The following CYP2C19 variants were observed in gnomAD, a reference collection of about 807,000 sequenced individuals.
CYP2C19 encodes cytochrome P450 2C19.
In CYP2C19, 59 loss-of-function variants were observed where a neutral mutation model predicts 40.9. That is an observed-to-expected ratio of 1.44 (90% CI 1.17 to 1.79). The LOEUF (loss-of-function observed/expected upper bound fraction) is 1.79, where lower values mean the gene tolerates loss of function less well. Among genes scored for constraint, CYP2C19 ranks in the 40% most tolerant of loss-of-function variants. The probability of loss-of-function intolerance (pLI) is 0.00; values close to 1 mark genes in which losing one functional copy is unlikely to be tolerated. For synonymous variants in CYP2C19, 253 were observed against 208.7 expected (o/e 1.21, Z -1.83); for missense variants, 754 against 596.9 (o/e 1.26, Z -2.74).
At position 94,852,755 on chromosome 10, in the gene CYP2C19, G is replaced by C; in HGVS notation, c.1314G>C (p.Glu438Asp). 1 of 1,613,968 alleles carries C rather than the reference G, an allele frequency of 6.2e-7. No homozygotes were observed. Among genetic ancestry groups the C allele is most frequent in the South Asian group, 1.1e-5 (1 of 91,080 alleles). Residue 438 changes from glutamate to aspartate, a missense_variant, in exon 9 of 9, where the codon GAG (glutamate) becomes GAC (aspartate). Transcript: ENST00000371321. ...CAGGAAAACGGATTTGTGTGGGAGA[G>C]GGCCTGGCCCGCATGGAGCTGTTTT... The part of the protein sequence containing the change: ...FSAGKRICVG[E>D]GLARMELFLF...
At chr10:94,805,886 T>C (rs952736059) in intron 5 of CYP2C19, among the ~76,000 whole-genome samples, 14 of 152,350 alleles carry the variant, frequency 9.2e-5, no homozygotes, top group African/African-American at 2.9e-4. Flanking sequence ...ATGTGCCAGA[T>C]ACTGTGCGGA....
intron 8 of CYP2C19, 105 bp from the exon 9 acceptor site, chr10:94,852,628 C>T (rs555713798): frequency 6.6e-5 from 82 of 1,249,436 alleles, no homozygotes; most frequent in Non-Finnish European, 8.7e-5. Context: ...TATGATTCAC[C>T]GAACAGTTCT....
chr10:94,823,324 A>G (rs1273537638), intron 6 of CYP2C19, among the ~76,000 whole-genome samples: 1 of 152,210 alleles, frequency 6.6e-6, no homozygotes, highest in East Asian at 1.9e-4. Context: ...AACTGAGTTT[A>G]AGAAGCCCCA....
rs149988866 is a variant in CYP2C19 at position 94,824,087 on chromosome 10, A to G, written c.961+3450A>G. ...TAACTTGGGAAACAGAAAATTACAA[A>G]TAGAAATAAAGAGATGTGGTTAAGT... On this transcript the variant is annotated intron_variant, in intron 6 of 8. Coordinates refer to ENST00000371321, the MANE Select transcript of CYP2C19 (RefSeq NM_000769.4). Among the ~76,000 whole-genome samples the G allele has an allele frequency of 2.3e-3, 343 of 152,366 alleles. 4 individuals carry two copies. The highest frequency in any genetic ancestry group is 7.7e-3 in the African/African-American group (319 of 41,596).
intron 6 of CYP2C19, among the ~76,000 whole-genome samples, chr10:94,840,919 C>T (rs1397351415): frequency 6.6e-6 from 1 of 152,224 alleles, no homozygotes; most frequent in Non-Finnish European, 1.5e-5. Flanking sequence ...TGGTATTTTC[C>T]TCCAGTTCTA....
At chr10:94,844,253 A>T (rs1295675848) in intron 7 of CYP2C19, among the ~76,000 whole-genome samples, 1 of 152,234 alleles carries the variant, frequency 6.6e-6, no homozygotes, top group Non-Finnish European at 1.5e-5. Context: ...TGTGTAAGAA[A>T]GTGCAGAATT....
chr10:94,841,346 C>A (rs943235468), intron 6 of CYP2C19, among the ~76,000 whole-genome samples: 2 of 152,112 alleles, frequency 1.3e-5, no homozygotes, highest in Non-Finnish European at 2.9e-5. Context: ...CAGCAGACAC[C>A]CTGCCAGATC....
At chr10:94,840,381 G>A (rs1037026519) in intron 6 of CYP2C19, among the ~76,000 whole-genome samples, 3 of 151,724 alleles carry the variant, frequency 2.0e-5, no homozygotes, top group East Asian at 1.9e-4. Context: ...TGCCCATGTC[G>A]AGAGCTGTAT....
chr10:94,809,687 A>C (rs528346451), intron 5 of CYP2C19, among the ~76,000 whole-genome samples: 3 of 151,964 alleles, frequency 2.0e-5, no homozygotes, highest in Non-Finnish European at 2.9e-5. Flanking sequence ...ATTCAGTATA[A>C]TTTTGGCTGT....
intron 6 of CYP2C19, among the ~76,000 whole-genome samples, chr10:94,832,177 C>T (rs936471910): frequency 8.5e-5 from 13 of 152,126 alleles, no homozygotes; most frequent in Non-Finnish European, 1.5e-4. Context: ...CCCCAGTGTA[C>T]GTTCTTGGTA....
At chr10:94,840,182 A>T (rs1376662498) in intron 6 of CYP2C19, among the ~76,000 whole-genome samples, 1 of 151,834 alleles carries the variant, frequency 6.6e-6, no homozygotes, top group Non-Finnish European at 1.5e-5. Context: ...GCAATTACCA[A>T]TTACAGGTTT....
intron 5 of CYP2C19, among the ~76,000 whole-genome samples, chr10:94,786,076 T>A (rs1011277415): frequency 2.0e-5 from 3 of 151,918 alleles, no homozygotes; most frequent in Non-Finnish European, 4.4e-5. Flanking sequence ...TCTCTCTCTC[T>A]CACAAGAAGC....
intron 6 of CYP2C19, among the ~76,000 whole-genome samples, chr10:94,834,252 G>C (rs1247490467): frequency 6.6e-6 from 1 of 152,076 alleles, no homozygotes; most frequent in African/African-American, 2.4e-5. Flanking sequence ...CTAAGGATTT[G>C]TCCATTTCTT....
intron 5 of CYP2C19, among the ~76,000 whole-genome samples, chr10:94,803,435 C>T (rs560944470): frequency 6.6e-6 from 1 of 152,308 alleles, no homozygotes; most frequent in South Asian, 2.1e-4. Context: ...ACAAGTTTCT[C>T]TAGCACAGCT....
intron 3 of CYP2C19, among the ~76,000 whole-genome samples, chr10:94,777,258 A>G (rs1436460420): frequency 1.3e-5 from 2 of 152,198 alleles, no homozygotes; most frequent in East Asian, 3.8e-4. Flanking sequence ...TGCTATTCCC[A>G]TCAAGCTGCC....
chr10:94,816,719 C>A (rs1295597493), intron 5 of CYP2C19, among the ~76,000 whole-genome samples: 1 of 113,358 alleles, frequency 8.8e-6, no homozygotes, highest in Non-Finnish European at 1.7e-5. Flanking sequence ...CCAATGCTAT[C>A]CCTCCCCCCT....
intron 5 of CYP2C19, among the ~76,000 whole-genome samples, chr10:94,790,554 A>G (rs1356794469): frequency 6.6e-6 from 1 of 152,188 alleles, no homozygotes; most frequent in Non-Finnish European, 1.5e-5. Flanking sequence ...TTTAGCATGA[A>G]GAGCTGTTGA....
At chr10:94,798,605 A>G (rs547116990) in intron 5 of CYP2C19, among the ~76,000 whole-genome samples, 1 of 152,138 alleles carries the variant, frequency 6.6e-6, no homozygotes, top group African/African-American at 2.4e-5. Flanking sequence ...AAAGTCTGCC[A>G]TTATTATTGT....
chr10:94,789,406 T>C (rs1848580037), intron 5 of CYP2C19, among the ~76,000 whole-genome samples: 1 of 152,156 alleles, frequency 6.6e-6, no homozygotes, highest in Non-Finnish European at 1.5e-5. Context: ...ATTTTAGTCA[T>C]AAAGTCCTTG....
Sources: gnomAD v4.1 joint callset for allele counts (sites outside exome capture counted in the v4.1 genomes callset) on GRCh38, gnomAD v4.1.1 for gene constraint, MANE v1.5 for transcripts, NCBI Gene and HGNC (gene_info 2026-07-23, HGNC 2026-07-21) for gene names.